HHIPL1: variants seen among roughly 807,000 people sequenced by gnomAD.
HHIPL1 encodes HHIP like 1.
A neutral mutation model predicts 61.8 loss-of-function variants in HHIPL1; 43 were observed. The observed-to-expected ratio is 0.70, with a 90% confidence interval of 0.55 to 0.90. HHIPL1 has a LOEUF of 0.90. Ranked by LOEUF, HHIPL1 falls within the 40% of genes least tolerant of loss-of-function variation. HHIPL1 has a pLI of 0.00. For missense variants in HHIPL1, 1,056 were observed against 1,157.7 expected (o/e 0.91, Z 1.28); for synonymous variants, 482 against 515.8 (o/e 0.93, Z 0.89).
At chr14:99,619,720 C>G in the HHIPL1 span, among the ~76,000 whole-genome samples, 2 of 151,786 alleles carry the variant, frequency 1.3e-5, no homozygotes, top group African/African-American at 4.8e-5. Context: ...CCCCCCGCCC[C>G]CCATCCTCCC....
rs1158244403 is a variant in HHIPL1 at position 99,680,299 on chromosome 14, C to T, written c.*4673C>T. The T allele has an allele frequency of 1.3e-5, 2 of 152,188 alleles. No homozygotes were observed. The highest frequency in any genetic ancestry group is 2.9e-5 in the Non-Finnish European group (2 of 68,036). 9.4% of individuals were successfully genotyped at this position (152,188 alleles called of 1,614,324 possible). On this transcript the variant is annotated 3_prime_UTR_variant, in exon 9 of 9. Coordinates refer to ENST00000330710, the MANE Select transcript of HHIPL1 (RefSeq NM_001127258.3). ...GAAACCACTCCTCGTATGGTGTCAT[C>T]TACACCAGTGGGTTTCAAGCTTGAG...
At chr14:99,634,982 G>A in the HHIPL1 span, among the ~76,000 whole-genome samples, 1 of 152,176 alleles carries the variant, frequency 6.6e-6, no homozygotes, top group Non-Finnish European at 1.5e-5. Flanking sequence ...CGTGAGGTTG[G>A]TCTTGTGTCC....
intron 1 of HHIPL1, among the ~76,000 whole-genome samples, chr14:99,646,817 G>GATATAATATA (rs1408033676): frequency 1.1e-4 from 7 of 64,492 alleles, no homozygotes; most frequent in African/African-American, 3.0e-4. Flanking sequence ...GATATGATAT[G>GATATAATATA]ATATGATATG....
At chr14:99,623,318 G>A in the HHIPL1 span, among the ~76,000 whole-genome samples, 8 of 152,204 alleles carry the variant, frequency 5.3e-5, no homozygotes, top group Admixed American at 1.3e-4. Flanking sequence ...ATGAGTCCAC[G>A]GAAATCACTC....
the HHIPL1 span, among the ~76,000 whole-genome samples, chr14:99,638,222 C>G: frequency 7.9e-5 from 12 of 152,330 alleles, 1 homozygote; most frequent in South Asian, 1.0e-3. Flanking sequence ...CCCCAGCACT[C>G]ACGAGATGGG....
At chr14:99,620,885 C>T in the HHIPL1 span, among the ~76,000 whole-genome samples, 1 of 152,206 alleles carries the variant, frequency 6.6e-6, no homozygotes, top group Non-Finnish European at 1.5e-5. Flanking sequence ...CCGGCCCCGC[C>T]ACTGCCACCA....
intron 1 of HHIPL1, 28 bp from the exon 2 acceptor site, chr14:99,652,196 C>T (rs758321923): frequency 7.1e-6 from 11 of 1,553,042 alleles, no homozygotes; most frequent in East Asian, 2.3e-5. Flanking sequence ...CTCCACAAAA[C>T]ATCTCTGAGC....
At chr14:99,629,963 C>T in the HHIPL1 span, among the ~76,000 whole-genome samples, 5 of 152,210 alleles carry the variant, frequency 3.3e-5, no homozygotes, top group East Asian at 9.6e-4. Flanking sequence ...CGCTTGACAA[C>T]TATTTACTTG....
chr14:99,608,071 G>C, the HHIPL1 span, among the ~76,000 whole-genome samples: 9 of 152,214 alleles, frequency 5.9e-5, no homozygotes, highest in African/African-American at 1.9e-4. Context: ...GAGTGGGGAG[G>C]AGGCTCCAGG....
chr14:99,610,170 G>A, the HHIPL1 span, among the ~76,000 whole-genome samples: 1 of 152,214 alleles, frequency 6.6e-6, no homozygotes, highest in South Asian at 2.1e-4. Context: ...CAAGACAAGA[G>A]GGAGGCTCAA....
In HHIPL1 at chr14:99,660,132, AG is replaced by A; in HGVS notation, c.1376-147del. 2.8e-5 allele frequency: 18 copies of A among 649,250 alleles called. No individual in the cohort carries two copies. The highest frequency in any genetic ancestry group is 5.9e-4 in the Middle Eastern group (1 of 1,706). The allele number at this position is 649,250 out of a possible 1,614,324, so 40.2% of individuals were successfully genotyped here. On this transcript the variant is annotated intron_variant, in intron 4 of 8. Coordinates refer to ENST00000330710, the MANE Select transcript of HHIPL1 (RefSeq NM_001127258.3). This position sits in a 1 kb window ranked among gnomAD's most constrained non-coding sequence, Gnocchi z 4.9. ...CTGCAGACACGCTTTCCACCACGCC[AG>A]CCCTGCTGTGGGCACGCCAGCCCTG...
the HHIPL1 span, among the ~76,000 whole-genome samples, chr14:99,612,632 T>TCTGTAACTGTTGCACCA: frequency 6.6e-6 from 1 of 152,150 alleles, no homozygotes; most frequent in Admixed American, 6.5e-5. Context: ...GCTGTGCACT[T>TCTGTAACTGTTGCACCA]CTGTAACTGT....
the HHIPL1 span, among the ~76,000 whole-genome samples, chr14:99,613,063 C>A: frequency 6.6e-6 from 1 of 152,078 alleles, no homozygotes; most frequent in Admixed American, 6.5e-5. Context: ...CTCCCAGCCC[C>A]CTCCTGTTTG....
intron 3 of HHIPL1, among the ~76,000 whole-genome samples, chr14:99,659,193 C>T (rs908755787): frequency 6.6e-6 from 1 of 152,228 alleles, no homozygotes; most frequent in African/African-American, 2.4e-5. Context: ...TTGTGTCCAA[C>T]GCATGGGACA....
At chr14:99,631,106 TTCTC>T in the HHIPL1 span, among the ~76,000 whole-genome samples, 6 of 121,454 alleles carry the variant, frequency 4.9e-5, no homozygotes, top group African/African-American at 1.9e-4. Flanking sequence ...CTTTCTTTCT[TTCTC>T]TCTCTTTCTT....
At position 99,652,530 on chromosome 14, in the gene HHIPL1, G is replaced by T; in HGVS notation, c.562G>T (p.Glu188Ter). The change falls in exon 2 of 9, where the codon GAG becomes TAG. Residue 188 changes from glutamate (E) to a stop codon, truncating the protein, a stop_gained. Transcript: ENST00000330710. LOFTEE classifies it high-confidence loss of function. ...GGGCTGCCTGCAGCTGTGCCTGGAGGAGGTGGCCAACGGGCTGCGCAACCC... is the reference window on the plus strand; with the variant it reads ...GGGCTGCCTGCAGCTGTGCCTGGAGTAGGTGGCCAACGGGCTGCGCAACCC... ...AKGCLQLCLE[E>*]VANGLRNPVA... 6.2e-7 allele frequency: 1 copy of T among 1,613,470 alleles called. No homozygotes were observed.
At chr14:99,604,962 T>A in the HHIPL1 span, among the ~76,000 whole-genome samples, 1 of 151,920 alleles carries the variant, frequency 6.6e-6, no homozygotes, top group East Asian at 1.9e-4. Context: ...GCGTCTCCAC[T>A]CCTAGCCCAG....
the HHIPL1 span, among the ~76,000 whole-genome samples, chr14:99,638,597 C>G: frequency 1.3e-5 from 2 of 152,152 alleles, no homozygotes; most frequent in Non-Finnish European, 2.9e-5. Flanking sequence ...GAGGGGCCAG[C>G]AAAGGCCTGG....
chr14:99,642,608 T>C (rs1239170351), upstream of HHIPL1, among the ~76,000 whole-genome samples: 1 of 151,626 alleles, frequency 6.6e-6, no homozygotes, highest in Non-Finnish European at 1.5e-5. Context: ...TGATTGCAAG[T>C]TCCGCCTCCT....
Sources: gnomAD v4.1 joint callset for allele counts (sites outside exome capture counted in the v4.1 genomes callset) on GRCh38, gnomAD v4.1.1 for gene constraint, Gnocchi (gnomAD v3.1) non-coding constraint, MANE v1.5 for transcripts, NCBI Gene and HGNC (gene_info 2026-07-23, HGNC 2026-07-21) for gene names.